Variants in SECISBP2 observed in about 807,000 individuals in gnomAD.
SECISBP2 encodes selenocysteine insertion sequence-binding protein 2.
Under a neutral mutation model 98.2 loss-of-function variants are expected in SECISBP2, and 96 were observed. The observed-to-expected ratio is 0.98, with a 90% CI of 0.83 to 1.16. The LOEUF is 1.16. SECISBP2 is among the 50% of genes most tolerant of loss of function. The pLI is 0.00. For synonymous variants in SECISBP2, 407 were observed against 370.2 expected (o/e 1.10, Z -1.14); for missense variants, 1,046 against 1,022.9 (o/e 1.02, Z -0.31).
chr9:89,347,350 T>C (rs1830562400), intron 11 of SECISBP2, among the ~76,000 whole-genome samples: 1 of 152,136 alleles, frequency 6.6e-6, no homozygotes, highest in Non-Finnish European at 1.5e-5. Context: ...TTTCTTCTTC[T>C]TATGATCCCC....
chr9:89,348,266 A>T, intron 12 of SECISBP2, 52 bp downstream of exon 12: 1 of 1,605,912 alleles, frequency 6.2e-7, no homozygotes, highest in South Asian at 1.1e-5. Flanking sequence ...AGCAACTATG[A>T]AAAGGATGAG....
At position 89,357,392 on chromosome 9, in the gene SECISBP2, T is replaced by C; in HGVS notation, c.2114-19T>C. On this transcript the variant is annotated intron_variant, in intron 14 of 16. Transcript: ENST00000375807. ...CATGTGACATGTCTTCCTGTCATTT[T>C]TCATTGTCCTTTGACCAGGTGGGCT... 1 of 1,613,846 alleles carries C rather than the reference T, an allele frequency of 6.2e-7. No homozygotes were observed. The highest frequency in any genetic ancestry group is 8.5e-7 in the Non-Finnish European group (1 of 1,180,036).
At chr9:89,363,857 G>T, downstream of SECISBP2, 2 of 1,614,084 alleles carry the variant, frequency 1.2e-6, no homozygotes, top group Non-Finnish European at 1.7e-6. Context: ...GAGTGCATGG[G>T]CCCTGCCATC....
intron 10 of SECISBP2, among the ~76,000 whole-genome samples, chr9:89,346,446 A>G (rs546212414): frequency 6.6e-6 from 1 of 152,308 alleles, no homozygotes; most frequent in Middle Eastern, 3.4e-3. Context: ...ACATGCGGAA[A>G]CCAATAGGGC....
chr9:89,341,556 G>A, intron 10 of SECISBP2, 77 bp downstream of exon 10: 1 of 1,520,010 alleles, frequency 6.6e-7, no homozygotes. Context: ...ATTTTCTCTT[G>A]TTATCAAAAG....
intron 10 of SECISBP2, among the ~76,000 whole-genome samples, chr9:89,344,810 G>A (rs1830197339): frequency 6.6e-6 from 1 of 151,992 alleles, no homozygotes; most frequent in Non-Finnish European, 1.5e-5. Context: ...TTATGCTATT[G>A]TCATATGGTA....
Position 89,359,057 on chromosome 9 carries a change from A to G in SECISBP2, c.*233A>G. ...ATCTTCTCTAAAAGCCTGGTGATAC[A>G]GCTCTGGCTTTCTGAGCACACTACG... On this transcript the variant is annotated 3_prime_UTR_variant, in exon 17 of 17. Coordinates refer to ENST00000375807, the MANE Select transcript of SECISBP2 (RefSeq NM_024077.5). 1.8e-6 allele frequency: 1 copy of G among 544,416 alleles called. No individual in the cohort carries two copies. Among genetic ancestry groups the G allele is most frequent in the Non-Finnish European group, 3.3e-6 (1 of 304,500 alleles). 33.7% of individuals were successfully genotyped at this position (544,416 alleles called of 1,614,324 possible).
chr9:89,333,093 A>G (rs1392047526), intron 6 of SECISBP2, 107 bp downstream of exon 6: 1 of 936,674 alleles, frequency 1.1e-6, no homozygotes, highest in Non-Finnish European at 1.7e-6. Context: ...GACTTAAGAC[A>G]GCTAATGAAT....
intron 7 of SECISBP2, among the ~76,000 whole-genome samples, chr9:89,335,853 T>A (rs1435489270): frequency 6.6e-6 from 1 of 152,170 alleles, no homozygotes; most frequent in Non-Finnish European, 1.5e-5. Context: ...AGAAGAAACG[T>A]TGGCATAAGT....
At position 89,348,016 on chromosome 9, in the gene SECISBP2, C is replaced by T. The variant is rs1394454490; in HGVS notation, c.1603-63C>T. 6 of 1,495,752 alleles carry T rather than the reference C, an allele frequency of 4.0e-6. No individual in the cohort carries two copies. The African/African-American group carries it at 7.0e-5, about 17-fold the overall frequency. 92.7% of individuals were successfully genotyped at this position (1,495,752 alleles called of 1,614,324 possible). A position where few individuals can be genotyped will look rare whatever the true frequency, so the allele number is the denominator to read the frequency against. The stretch of plus-strand genomic sequence containing the variant: ...AGTTGAACTTGGGCAGTTTAATTTG[C>T]AGAAGAGCTTATCTTTTAAGTACAA... On this transcript the variant is annotated intron_variant, in intron 11 of 16. Transcript: ENST00000375807.
At chr9:89,320,673 G>A (rs181118950) in intron 2 of SECISBP2, among the ~76,000 whole-genome samples, 1 of 152,294 alleles carries the variant, frequency 6.6e-6, no homozygotes, top group Non-Finnish European at 1.5e-5. Flanking sequence ...CTAAATTTGA[G>A]TTGAAAGAAG....
chr9:89,319,866 A>G (rs1448634844), intron 2 of SECISBP2, 69 bp downstream of exon 2: 3 of 1,525,184 alleles, frequency 2.0e-6, no homozygotes, highest in Non-Finnish European at 1.8e-6. Flanking sequence ...AGACTTTCAA[A>G]TACTCAGCAG....
chr9:89,319,152 C>T, intron 1 of SECISBP2: 2 of 729,810 alleles, frequency 2.7e-6, no homozygotes, highest in Non-Finnish European at 3.4e-6. Flanking sequence ...ATAATATTTT[C>T]TAGCAAAGCA....
intron 14 of SECISBP2, among the ~76,000 whole-genome samples, chr9:89,351,202 G>A (rs1319669699): frequency 6.6e-6 from 1 of 152,196 alleles, no homozygotes; most frequent in East Asian, 1.9e-4. Context: ...TGGCAGCCAG[G>A]CAGTACCTAC....
intron 7 of SECISBP2, among the ~76,000 whole-genome samples, chr9:89,337,321 G>A (rs1270628382): frequency 6.6e-6 from 1 of 152,218 alleles, no homozygotes; most frequent in Non-Finnish European, 1.5e-5. Context: ...TGGAGTGATA[G>A]TGATCAGAAT....
intron 14 of SECISBP2, among the ~76,000 whole-genome samples, chr9:89,352,706 T>G (rs916935437): frequency 2.6e-5 from 4 of 152,334 alleles, no homozygotes; most frequent in East Asian, 1.9e-4. Flanking sequence ...GTTTCCTGCT[T>G]CTTTTTATCT....
Position 89,350,855 on chromosome 9 carries a change from A to C in SECISBP2, c.2113+3A>C. On this transcript the variant is annotated splice_donor_region_variant and intron_variant, in intron 14 of 16. Transcript: ENST00000375807. ...CTGTGAGAAGATACAGTCAAAAGGT[A>C]AAGGCACAGTGTGGTCCTGTGATAT... is the stretch of plus-strand genomic sequence containing the variant. The C allele has an allele frequency of 6.2e-7, 1 of 1,613,188 alleles. No homozygotes were observed. Among genetic ancestry groups the C allele is most frequent in the Non-Finnish European group, 8.5e-7 (1 of 1,179,300 alleles).
chr9:89,334,697 C>T lies in SECISBP2; in HGVS notation c.1056C>T (p.Asn352=). The part of the protein sequence containing the change: ...SEALSSDPSY[N]KEKHIIHPTQ... ...CTTTATCTTCGGATCCTTCCTACAACAAAGAAAAACACATTATTCATCCTA... is the reference window on the plus strand; with the variant it reads ...CTTTATCTTCGGATCCTTCCTACAATAAAGAAAAACACATTATTCATCCTA... The change falls in exon 7 of 17, where the codon AAC becomes AAT. Residue 352 remains asparagine (N), a synonymous_variant. Transcript: ENST00000375807. 6.2e-7 allele frequency: 1 copy of T among 1,613,778 alleles called. No individual in the cohort carries two copies. Among genetic ancestry groups the T allele is most frequent in the Non-Finnish European group, 8.5e-7 (1 of 1,179,872 alleles).
intron 14 of SECISBP2, chr9:89,354,958 T>A (rs1831845886): frequency 2.0e-6 from 2 of 985,238 alleles, no homozygotes; most frequent in Non-Finnish European, 2.4e-6. Flanking sequence ...CTATCTCCCC[T>A]TTTCCCAGCC....
Sources: gnomAD v4.1 joint callset for allele counts (sites outside exome capture counted in the v4.1 genomes callset) on GRCh38, gnomAD v4.1.1 for gene constraint, MANE v1.5 for transcripts, NCBI Gene and HGNC (gene_info 2026-07-23, HGNC 2026-07-21) for gene names.